The following PLXDC2 variants were observed in gnomAD, a reference collection of about 807,000 sequenced individuals.
The protein encoded by PLXDC2 is plexin domain-containing protein 2.
Under a neutral mutation model 68.9 loss-of-function variants are expected in PLXDC2, and 40 were observed. That is an observed-to-expected ratio of 0.58 (90% confidence interval 0.45 to 0.76). The LOEUF (loss-of-function observed/expected upper bound fraction) is 0.76. Among genes scored for constraint, PLXDC2 ranks in the 30% least tolerant of loss-of-function variants. The pLI, the probability that PLXDC2 is intolerant of heterozygous loss-of-function variation, is 0.00. For synonymous variants in PLXDC2, 243 were observed against 234.2 expected (o/e 1.04, Z -0.34); for missense variants, 644 against 661.9 (o/e 0.97, Z 0.30).
intron 1 of PLXDC2, among the ~76,000 whole-genome samples, chr10:19,964,971 G>A (rs1012373781): frequency 1.3e-5 from 2 of 152,098 alleles, no homozygotes; most frequent in Non-Finnish European, 2.9e-5. Flanking sequence ...TCCTGAGAGT[G>A]CTCCATAACA....
At chr10:19,916,818 C>A (rs1833376133) in intron 1 of PLXDC2, among the ~76,000 whole-genome samples, 1 of 152,098 alleles carries the variant, frequency 6.6e-6, no homozygotes, top group African/African-American at 2.4e-5. Flanking sequence ...TTATAATTTT[C>A]TGTAATTTAA....
At chr10:20,133,713 T>C (rs910535890) in intron 4 of PLXDC2, among the ~76,000 whole-genome samples, 2 of 152,296 alleles carry the variant, frequency 1.3e-5, no homozygotes. Context: ...CTTGGGATTC[T>C]TTGGGCGTCA....
At chr10:20,238,259 T>C (rs1177118509) in intron 12 of PLXDC2, among the ~76,000 whole-genome samples, 1 of 151,542 alleles carries the variant, frequency 6.6e-6, no homozygotes, top group Non-Finnish European at 1.5e-5. Context: ...CTTTCCTCCT[T>C]CTTTATTTTC....
At chr10:19,971,755 G>A (rs1834357761) in intron 1 of PLXDC2, among the ~76,000 whole-genome samples, 1 of 152,058 alleles carries the variant, frequency 6.6e-6, no homozygotes, top group Admixed American at 6.5e-5. Flanking sequence ...CAATGTGTCT[G>A]ATCATAACTT....
At chr10:19,855,066 G>T (rs1837188020) in intron 1 of PLXDC2, among the ~76,000 whole-genome samples, 1 of 152,070 alleles carries the variant, frequency 6.6e-6, no homozygotes, top group Non-Finnish European at 1.5e-5. Flanking sequence ...TTCAGGGCAG[G>T]GATCTTTGTT....
At chr10:20,157,798 T>A (rs1395625110) in intron 6 of PLXDC2, among the ~76,000 whole-genome samples, 1 of 152,172 alleles carries the variant, frequency 6.6e-6, no homozygotes, top group Non-Finnish European at 1.5e-5. Context: ...AATAAACCTA[T>A]CTCTATCTTG....
chr10:20,153,758 T>A (rs942326680), intron 6 of PLXDC2, among the ~76,000 whole-genome samples: 5 of 152,186 alleles, frequency 3.3e-5, no homozygotes, highest in African/African-American at 1.2e-4. Flanking sequence ...TAAGTAACTT[T>A]TCCAAAGATA....
intron 1 of PLXDC2, among the ~76,000 whole-genome samples, chr10:19,841,058 T>C (rs1836894711): frequency 6.6e-6 from 1 of 152,138 alleles, no homozygotes; most frequent in South Asian, 2.1e-4. Flanking sequence ...CCTTTACCCA[T>C]CACAATCTAA....
At chr10:20,245,180 G>A (rs1459518478) in intron 12 of PLXDC2, among the ~76,000 whole-genome samples, 165 bp from the exon 13 acceptor site, 1 of 152,122 alleles carries the variant, frequency 6.6e-6, no homozygotes, top group African/African-American at 2.4e-5. Flanking sequence ...ATTCTTCATT[G>A]CCCATATGAA....
At chr10:19,841,539 T>G (rs1337123833) in intron 1 of PLXDC2, among the ~76,000 whole-genome samples, 1 of 75,294 alleles carries the variant, frequency 1.3e-5, no homozygotes, top group African/African-American at 3.7e-5. Flanking sequence ...GTTTCAGGGT[T>G]TTTTTTTTTT....
intron 13 of PLXDC2, among the ~76,000 whole-genome samples, chr10:20,263,725 G>C (rs139642089): frequency 1.3e-5 from 2 of 151,998 alleles, no homozygotes; most frequent in Non-Finnish European, 2.9e-5. Flanking sequence ...AAAAAGCTGC[G>C]TATCACTGAT....
intron 1 of PLXDC2, among the ~76,000 whole-genome samples, chr10:19,866,077 T>C (rs1022026428): frequency 1.3e-5 from 2 of 152,216 alleles, no homozygotes; most frequent in African/African-American, 4.8e-5. Context: ...TGTAGGTAAT[T>C]TGTAGTTTTC....
chr10:20,244,219 T>C (rs1021391086), intron 12 of PLXDC2, among the ~76,000 whole-genome samples: 3 of 152,236 alleles, frequency 2.0e-5, no homozygotes, highest in African/African-American at 7.2e-5. Context: ...ACAATTATAC[T>C]GCACATAATT....
intron 3 of PLXDC2, among the ~76,000 whole-genome samples, chr10:20,064,328 C>G (rs12358622): frequency 0.13 from 19,653 of 151,220 alleles, 1,437 homozygotes; most frequent in South Asian, 0.29. Context: ...TCATGCCATT[C>G]TCCTGCCTCA....
intron 1 of PLXDC2, among the ~76,000 whole-genome samples, chr10:19,892,200 C>A (rs1326863901): frequency 1.3e-5 from 2 of 152,126 alleles, no homozygotes; most frequent in Admixed American, 1.3e-4. Context: ...GACTAAGTGC[C>A]AGCCACTGTC....
rs544808200 is a variant in PLXDC2, at chr10:19,874,744, T to C, written c.112+57553T>C. Among the ~76,000 whole-genome samples, 83 of 152,304 alleles carry C rather than the reference T, an allele frequency of 5.4e-4. 1 individual carries two copies. In the South Asian group the frequency reaches 7.0e-3, roughly 13 times the overall value. On this transcript the variant is annotated intron_variant, in intron 1 of 13. Transcript: ENST00000377252. The stretch of plus-strand genomic sequence containing the variant: ...GAACTTTAAAGAGTATATGTGATGT[T>C]AGTAGGTACAGTTAGAGGCAGAAAG...
At position 20,245,268 on chromosome 10, in the gene PLXDC2, A is replaced by G. The variant is rs140408771; in HGVS notation, c.1313-77A>G. On this transcript the variant is annotated intron_variant, in intron 12 of 13. Coordinates refer to ENST00000377252, the MANE Select transcript of PLXDC2 (RefSeq NM_032812.9). ...GATCCAGTCGTACTTTATTAAAAAC[A>G]CAAATATCTCCTCAGATGAAAATGC... 789 of 1,466,568 alleles carry G rather than the reference A, an allele frequency of 5.4e-4. 13 individuals are homozygous for G. In the East Asian group the frequency reaches 0.015, roughly 28 times the overall value. The allele number at this position is 1,466,568 out of a possible 1,614,324, so 90.8% of individuals were successfully genotyped here.
chr10:19,949,787 T>G (rs1287899834), intron 1 of PLXDC2, among the ~76,000 whole-genome samples: 1 of 152,166 alleles, frequency 6.6e-6, no homozygotes, highest in Non-Finnish European at 1.5e-5. Context: ...TAAGTGAAAG[T>G]GTAGTTAGTA....
intron 1 of PLXDC2, among the ~76,000 whole-genome samples, chr10:19,975,728 A>G (rs192706859): frequency 3.3e-5 from 5 of 152,272 alleles, no homozygotes; most frequent in African/African-American, 4.8e-5. Context: ...TTTTGGTATA[A>G]TATGTCCTCT....
Sources: gnomAD v4.1 joint callset for allele counts (sites outside exome capture counted in the v4.1 genomes callset) on GRCh38, gnomAD v4.1.1 for gene constraint, MANE v1.5 for transcripts, NCBI Gene and HGNC (gene_info 2026-07-23, HGNC 2026-07-21) for gene names.